Variants in GPC5 observed in about 807,000 individuals in gnomAD.
GPC5 encodes glypican-5.
GPC5 carries 47 observed loss-of-function variants against 53.9 expected under a neutral mutation model. That is an observed-to-expected ratio of 0.87 (90% confidence interval 0.69 to 1.11). The LOEUF is 1.11. Among genes scored for constraint, GPC5 ranks in the 50% most tolerant of loss-of-function variants. GPC5 has a pLI of 0.00. For synonymous variants in GPC5, 286 were observed against 263.3 expected (o/e 1.09, Z -0.84); for missense variants, 748 against 713.1 (o/e 1.05, Z -0.56).
At chr13:92,089,920 G>A (rs1302745381) in intron 6 of GPC5, among the ~76,000 whole-genome samples, 2 of 152,102 alleles carry the variant, frequency 1.3e-5, no homozygotes, top group Admixed American at 6.6e-5. Context: ...GGTATAAGAA[G>A]ACAATGTTTA....
chr13:92,117,735 A>G (rs1289003207), intron 6 of GPC5, among the ~76,000 whole-genome samples: 1 of 152,114 alleles, frequency 6.6e-6, no homozygotes, highest in Non-Finnish European at 1.5e-5. Context: ...TTGTCATTCT[A>G]AAAGATAATT....
Position 92,347,895 on chromosome 13 carries a change from A to AT in GPC5, c.1561+202907dup. On this transcript the variant is annotated intron_variant, in intron 7 of 7. Coordinates refer to ENST00000377067, the MANE Select transcript of GPC5 (RefSeq NM_004466.6). ...ATATAATATATATTATATATATTAT[A>AT]TATATAATATATATATAATATATAT... is the stretch of plus-strand genomic sequence containing the variant. 2.9e-4 allele frequency among the ~76,000 whole-genome samples: 3 copies of AT among 10,318 alleles called. No individual in the cohort carries two copies. In the Admixed American group the frequency reaches 5.7e-3, roughly 20 times the overall value. The allele number at this position is 10,318 out of a possible 152,430, so 6.8% of individuals were successfully genotyped here.
At chr13:91,566,928 A>ATTTT (rs1230481999) in intron 2 of GPC5, among the ~76,000 whole-genome samples, 12 of 110,570 alleles carry the variant, frequency 1.1e-4, no homozygotes, top group African/African-American at 1.9e-4. Flanking sequence ...TTTTCTTCCA[A>ATTTT]TTCTTTTTTT....
chr13:91,432,203 C>CTGCTGTGTGTGTATG (rs1555306318), intron 1 of GPC5, among the ~76,000 whole-genome samples: 11 of 136,354 alleles, frequency 8.1e-5, no homozygotes, highest in African/African-American at 2.8e-4. Context: ...GCTGCTGCTG[C>CTGCTGTGTGTGTATG]TGTGTGTGTG....
At chr13:92,853,229 T>C (rs1878873628) in intron 7 of GPC5, among the ~76,000 whole-genome samples, 1 of 152,142 alleles carries the variant, frequency 6.6e-6, no homozygotes, top group African/African-American at 2.4e-5. Context: ...GTGGTTTCAT[T>C]TACCTGTGAT....
At chr13:91,759,080 A>T (rs2037354439) in intron 5 of GPC5, among the ~76,000 whole-genome samples, 1 of 152,084 alleles carries the variant, frequency 6.6e-6, no homozygotes, top group South Asian at 2.1e-4. Context: ...GCATTATTTA[A>T]TTCCCCCAAT....
chr13:92,122,275 C>CTT (rs36004164), intron 6 of GPC5, among the ~76,000 whole-genome samples: 5 of 144,342 alleles, frequency 3.5e-5, no homozygotes, highest in African/African-American at 1.1e-4. Context: ...AAACACAGCG[C>CTT]TTTTTTTTTT....
intron 7 of GPC5, among the ~76,000 whole-genome samples, chr13:92,740,403 T>C (rs1312198238): frequency 6.6e-6 from 1 of 152,094 alleles, no homozygotes; most frequent in East Asian, 1.9e-4. Context: ...TTTACATCTA[T>C]AAGGTGAGTT....
chr13:91,981,543 C>G (rs551662114), intron 6 of GPC5, among the ~76,000 whole-genome samples: 112 of 152,264 alleles, frequency 7.4e-4, no homozygotes, highest in African/African-American at 2.5e-3. Flanking sequence ...CCCACCTCGG[C>G]CTCCCAAAGT....
chr13:91,677,373 T>A (rs1171331841), intron 2 of GPC5, among the ~76,000 whole-genome samples: 1 of 152,190 alleles, frequency 6.6e-6, no homozygotes, highest in African/African-American at 2.4e-5. Context: ...AAGAAATAGA[T>A]TTTAACTCCA....
chr13:92,764,705 A>G (rs940493368), intron 7 of GPC5, among the ~76,000 whole-genome samples: 1 of 152,058 alleles, frequency 6.6e-6, no homozygotes, highest in Admixed American at 6.5e-5. Context: ...CTATTTTTAC[A>G]TGCTCCAGTG....
chr13:92,242,126 C>T (rs1187512489), intron 7 of GPC5, among the ~76,000 whole-genome samples: 3 of 150,934 alleles, frequency 2.0e-5, no homozygotes, highest in South Asian at 2.1e-4. Flanking sequence ...CCAGCTGCTC[C>T]GGAGTCTGAG....
rs572091161 is a variant in GPC5, at chr13:91,699,938, T to C, written c.1020+6057T>C. ...TTTTAATATGAAGGTAATTTTGTTT[T>C]TTTTCAGATATGGAATGAGATGTTT... On this transcript the variant is annotated intron_variant, in intron 3 of 7. Transcript: ENST00000377067. Among the ~76,000 whole-genome samples, 4 of 152,344 alleles carry C rather than the reference T, an allele frequency of 2.6e-5. No individual in the cohort carries two copies. The East Asian group carries it at 5.8e-4, about 22-fold the overall frequency.
intron 2 of GPC5, among the ~76,000 whole-genome samples, chr13:91,648,729 G>A (rs1431555508): frequency 2.0e-5 from 3 of 151,964 alleles, no homozygotes; most frequent in African/African-American, 7.3e-5. Context: ...CGTACACTCA[G>A]ATATATTACC....
At chr13:92,304,656 C>A (rs1172112854) in intron 7 of GPC5, among the ~76,000 whole-genome samples, 1 of 148,354 alleles carries the variant, frequency 6.7e-6, no homozygotes, top group Non-Finnish European at 1.5e-5. Flanking sequence ...GGAATTATTT[C>A]AAATGCTTTC....
At chr13:91,441,108 T>TC (rs1246599784) in intron 1 of GPC5, among the ~76,000 whole-genome samples, 2 of 152,216 alleles carry the variant, frequency 1.3e-5, no homozygotes, top group Admixed American at 6.5e-5. Flanking sequence ...CTGCTTTTTT[T>TC]CTTCCTTCAA....
chr13:92,004,416 T>G (rs958806664), intron 6 of GPC5, among the ~76,000 whole-genome samples: 15 of 135,242 alleles, frequency 1.1e-4, no homozygotes, highest in Non-Finnish European at 1.4e-4. Flanking sequence ...CTGCACTCCA[T>G]CCTGGAGACA....
chr13:92,685,145 C>A (rs944266520), intron 7 of GPC5, among the ~76,000 whole-genome samples: 46 of 152,100 alleles, frequency 3.0e-4, no homozygotes, highest in Admixed American at 1.1e-3. Context: ...TGCTAGAGTG[C>A]AGTGGTGCAA....
At position 92,252,627 on chromosome 13, in the gene GPC5, T is replaced by C. The variant is rs563825816; in HGVS notation, c.1561+107638T>C. On this transcript the variant is annotated intron_variant, in intron 7 of 7. Transcript: ENST00000377067. ...TTTACCATTTCTTAGATAAAAATTA[T>C]AATTCTATAAAAACAGTTACTTGGG... Among the ~76,000 whole-genome samples, 6 of 152,158 alleles carry C rather than the reference T, an allele frequency of 3.9e-5. No individual in the cohort carries two copies. In the East Asian group the frequency reaches 7.7e-4, roughly 20 times the overall value.
Sources: gnomAD v4.1 joint callset for allele counts (sites outside exome capture counted in the v4.1 genomes callset) on GRCh38, gnomAD v4.1.1 for gene constraint, MANE v1.5 for transcripts, NCBI Gene and HGNC (gene_info 2026-07-23, HGNC 2026-07-21) for gene names.